Variants in RGS7 observed in about 807,000 individuals in gnomAD.
RGS7 encodes the protein regulator of G protein signaling 7.
A neutral mutation model predicts 81.1 loss-of-function variants in RGS7; 27 were observed. The observed-to-expected ratio is 0.33, with a 90% CI of 0.25 to 0.46. The LOEUF (loss-of-function observed/expected upper bound fraction) is 0.46. Among genes scored for constraint, RGS7 ranks in the 20% least tolerant of loss-of-function variants. The pLI is 1.00. For missense variants in RGS7, 396 were observed against 607.4 expected, an observed-to-expected ratio of 0.65 and a Z score of 3.66; for synonymous variants, 208 against 207.7, an observed-to-expected ratio of 1.00 and a Z score of -0.01.
At chr1:240,902,372 TTAAAA>T (rs1478358727) in intron 6 of RGS7, among the ~76,000 whole-genome samples, 11 of 152,358 alleles carry the variant, frequency 7.2e-5, no homozygotes, top group African/African-American at 2.6e-4. Flanking sequence ...AAATGTTAAC[TTAAAA>T]TAAATATATT....
rs769175674 is a variant in RGS7, at chr1:241,016,330, C to T, written c.176-33201G>A. On this transcript the variant is annotated intron_variant, in intron 3 of 18. Coordinates refer to ENST00000440928, the MANE Select transcript of RGS7 (RefSeq NM_001364886.1). ...GTCAAGAGAACAAGACCATCCTGGCCAACATCGTGAGACCCTGTCTCTACT... is the reference window on the plus strand; with the variant it reads ...GTCAAGAGAACAAGACCATCCTGGCTAACATCGTGAGACCCTGTCTCTACT... 1.8e-4 allele frequency among the ~76,000 whole-genome samples: 28 copies of T among 152,140 alleles called. 1 individual carries two copies. Among genetic ancestry groups the T allele is most frequent in the Middle Eastern group, 3.4e-3 (1 of 294 alleles).
intron 10 of RGS7, among the ~76,000 whole-genome samples, chr1:240,820,550 T>C (rs1450620186): frequency 6.6e-6 from 1 of 151,932 alleles, no homozygotes; most frequent in African/African-American, 2.4e-5. Flanking sequence ...ACCCCTAATG[T>C]GATGGTATTA....
chr1:241,018,133 A>ATTT (rs34587479), intron 3 of RGS7, among the ~76,000 whole-genome samples: 35 of 114,414 alleles, frequency 3.1e-4, no homozygotes, highest in African/African-American at 4.3e-4. Flanking sequence ...TGCCCAGCTA[A>ATTT]TTTTTTTTTT....
chr1:241,142,770 A>G (rs554410423), intron 2 of RGS7, among the ~76,000 whole-genome samples: 2 of 152,198 alleles, frequency 1.3e-5, no homozygotes, highest in African/African-American at 4.8e-5. Flanking sequence ...TCCTCCTTAC[A>G]TATGCAAATT....
chr1:240,975,804 G>T (rs371426897), intron 4 of RGS7, among the ~76,000 whole-genome samples: 54 of 152,360 alleles, frequency 3.5e-4, no homozygotes, highest in African/African-American at 1.3e-3. Context: ...CAACCCGAAG[G>T]ATAGTAGGAC....
At chr1:241,155,418 A>C (rs142593181) in intron 2 of RGS7, among the ~76,000 whole-genome samples, 258 of 152,162 alleles carry the variant, frequency 1.7e-3, no homozygotes, top group African/African-American at 5.2e-3. Context: ...TCTTTAAAAA[A>C]TAAAAATGAA....
chr1:241,172,195 TTC>T (rs1572981577), intron 2 of RGS7, among the ~76,000 whole-genome samples: 1 of 151,802 alleles, frequency 6.6e-6, no homozygotes, highest in East Asian at 1.9e-4. Context: ...GATTTTTGTC[TTC>T]TGTTTCCTAA....
chr1:240,975,982 T>C (rs1207126154), intron 4 of RGS7, among the ~76,000 whole-genome samples: 1 of 152,206 alleles, frequency 6.6e-6, no homozygotes, highest in Non-Finnish European at 1.5e-5. Context: ...GATGAGGCAA[T>C]AGCAAATGTG....
At chr1:241,173,792 T>G (rs953779502) in intron 2 of RGS7, among the ~76,000 whole-genome samples, 3 of 152,072 alleles carry the variant, frequency 2.0e-5, no homozygotes, top group South Asian at 4.2e-4. Flanking sequence ...AAATAAAAAA[T>G]AAAAAGAAAA....
At position 240,952,007 on chromosome 1, in the gene RGS7, C is replaced by T. The variant is rs920303458; in HGVS notation, c.227-15301G>A. 5.0e-4 allele frequency among the ~76,000 whole-genome samples: 76 copies of T among 151,936 alleles called. 2 individuals carry two copies. Among genetic ancestry groups the T allele is most frequent in the African/African-American group, 1.8e-3 (76 of 41,452 alleles). ...ATGTAAAGTGTTGAAGGAAGAAAAC[C>T]CACTAACCTAGAATTTTACATCAAG... On this transcript the variant is annotated intron_variant, in intron 4 of 18. Transcript: ENST00000440928.
At chr1:241,177,940 C>T (rs2071283281) in intron 2 of RGS7, among the ~76,000 whole-genome samples, 1 of 152,074 alleles carries the variant, frequency 6.6e-6, no homozygotes, top group Non-Finnish European at 1.5e-5. Context: ...GTTTGAGATG[C>T]TTACTGGTAA....
chr1:241,172,635 C>CTA (rs1343576027), intron 2 of RGS7, among the ~76,000 whole-genome samples: 1 of 152,142 alleles, frequency 6.6e-6, no homozygotes, highest in Non-Finnish European at 1.5e-5. Context: ...GGCTGTGTGT[C>CTA]TAAAGTCAGC....
intron 2 of RGS7, among the ~76,000 whole-genome samples, chr1:241,235,082 C>T (rs1327238002): frequency 1.3e-5 from 2 of 152,134 alleles, no homozygotes; most frequent in Non-Finnish European, 2.9e-5. Flanking sequence ...CAAATTTATA[C>T]AATGATTCCA....
chr1:241,143,399 A>G (rs917735032), intron 2 of RGS7, among the ~76,000 whole-genome samples: 1 of 152,220 alleles, frequency 6.6e-6, no homozygotes, highest in Non-Finnish European at 1.5e-5. Flanking sequence ...TTGCAGTTCC[A>G]TGTGGCTAGG....
intron 3 of RGS7, among the ~76,000 whole-genome samples, chr1:240,983,663 T>C (rs185232004): frequency 3.7e-4 from 57 of 152,350 alleles, no homozygotes; most frequent in African/African-American, 1.3e-3. Context: ...GATTCACTGA[T>C]ATGACAGAAC....
chr1:240,973,162 G>A (rs1045908413), intron 4 of RGS7, among the ~76,000 whole-genome samples: 1 of 152,076 alleles, frequency 6.6e-6, no homozygotes, highest in African/African-American at 2.4e-5. Flanking sequence ...TTAATTTTCT[G>A]GTTGTAAATT....
intron 10 of RGS7, among the ~76,000 whole-genome samples, chr1:240,825,396 G>A (rs1692625626): frequency 6.6e-6 from 1 of 152,182 alleles, no homozygotes; most frequent in Admixed American, 6.5e-5. Context: ...CATCTGCGAA[G>A]ATTCTAGCAA....
At chr1:240,915,006 A>T (rs1302244435) in intron 6 of RGS7, among the ~76,000 whole-genome samples, 1 of 152,208 alleles carries the variant, frequency 6.6e-6, no homozygotes, top group African/African-American at 2.4e-5. Flanking sequence ...AGGATCAGGG[A>T]GCAGTTTTAA....
chr1:241,075,820 T>C (rs1315194357), intron 3 of RGS7, among the ~76,000 whole-genome samples: 1 of 152,184 alleles, frequency 6.6e-6, no homozygotes, highest in Non-Finnish European at 1.5e-5. Flanking sequence ...ATTGTCCTAC[T>C]AGGAAGAGCT....
Sources: gnomAD v4.1 joint callset for allele counts (sites outside exome capture counted in the v4.1 genomes callset) on GRCh38, gnomAD v4.1.1 for gene constraint, MANE v1.5 for transcripts, NCBI Gene and HGNC (gene_info 2026-07-23, HGNC 2026-07-21) for gene names.